The following CACNA2D1 variants were observed in gnomAD, a reference collection of about 807,000 sequenced individuals.
The protein encoded by CACNA2D1 is voltage-dependent calcium channel subunit alpha-2/delta-1.
A neutral mutation model predicts 171.5 loss-of-function variants in CACNA2D1; 53 were observed. The ratio of observed to expected loss-of-function variants is 0.31; its 90% CI spans 0.25 to 0.39. The LOEUF (loss-of-function observed/expected upper bound fraction) is 0.39, where lower values mean the gene tolerates loss of function less well. Ranked by LOEUF, CACNA2D1 falls within the 10% of genes least tolerant of loss-of-function variation. The pLI is 1.00. For missense variants in CACNA2D1, 903 were observed against 1,299.8 expected (o/e 0.69, Z 4.69); for synonymous variants, 442 against 443.1 (o/e 1.00, Z 0.03).
chr7:82,141,197 A>C (rs1792344200), intron 4 of CACNA2D1, among the ~76,000 whole-genome samples: 1 of 152,132 alleles, frequency 6.6e-6, no homozygotes, highest in Non-Finnish European at 1.5e-5. Flanking sequence ...GAGTTATTCA[A>C]ATCACTGAGT....
At chr7:82,405,759 C>G (rs1254086567) in intron 1 of CACNA2D1, among the ~76,000 whole-genome samples, 2 of 152,092 alleles carry the variant, frequency 1.3e-5, no homozygotes, top group African/African-American at 4.8e-5. Context: ...GTGTCACATC[C>G]TCACTCTTTC....
intron 9 of CACNA2D1, among the ~76,000 whole-genome samples, chr7:82,063,304 T>C (rs1167893603): frequency 6.6e-6 from 1 of 152,160 alleles, no homozygotes. Flanking sequence ...GATTAGCATA[T>C]AAGATCCATA....
chr7:82,237,903 T>A (rs1484363376), intron 3 of CACNA2D1, among the ~76,000 whole-genome samples: 1 of 151,892 alleles, frequency 6.6e-6, no homozygotes, highest in Non-Finnish European at 1.5e-5. Context: ...AAAAACTAAA[T>A]ATAAAGAATA....
intron 3 of CACNA2D1, among the ~76,000 whole-genome samples, chr7:82,240,461 A>C (rs528589003): frequency 6.6e-6 from 1 of 152,334 alleles, no homozygotes; most frequent in Non-Finnish European, 1.5e-5. Flanking sequence ...AAAAACTATT[A>C]GCCTCCTTTC....
At chr7:82,249,692 C>T in intron 3 of CACNA2D1, among the ~76,000 whole-genome samples, 1 of 152,198 alleles carries the variant, frequency 6.6e-6, no homozygotes, top group Non-Finnish European at 1.5e-5. Flanking sequence ...ACTGAACCCA[C>T]CTATTAAAAT....
At chr7:81,972,374 C>A (rs1399738509) in intron 25 of CACNA2D1, among the ~76,000 whole-genome samples, 1 of 151,734 alleles carries the variant, frequency 6.6e-6, no homozygotes, top group Non-Finnish European at 1.5e-5. Context: ...TATTTTCATT[C>A]TTTTCTATCA....
rs145109446 is a variant in CACNA2D1 at position 81,964,085 on chromosome 7, T to A, written c.2751A>T (p.Gln917His). Reference protein sequence around the residue: ...AYVPSVADILQIGWWATAAAW... With the variant: ...AYVPSVADILHIGWWATAAAW... ...CAGCAGCAGTGGCCCACCAGCCAATTTGTAATATGTCTGCTACTGATGGCT... is the reference window on the plus strand; with the variant it reads ...CAGCAGCAGTGGCCCACCAGCCAATATGTAATATGTCTGCTACTGATGGCT... The change falls in exon 34 of 39, where the codon CAA becomes CAT. Residue 917 changes from glutamine to histidine, a missense_variant. Gln to His is a conservative substitution (Grantham distance 24). Transcript: ENST00000356860. The A allele has an allele frequency of 2.0e-4, 321 of 1,612,256 alleles. 1 individual carries two copies. The highest frequency in any genetic ancestry group is 2.7e-4 in the Non-Finnish European group (314 of 1,178,922).
intron 18 of CACNA2D1, chr7:82,001,601 C>G (rs567021886): frequency 1.8e-6 from 1 of 561,056 alleles, no homozygotes; most frequent in East Asian, 6.8e-5. Context: ...AAGCTTAATC[C>G]CAACTTGGAT....
At chr7:82,213,651 T>C (rs79309822) in intron 3 of CACNA2D1, among the ~76,000 whole-genome samples, 12,916 of 152,250 alleles carry the variant, frequency 0.085, 733 homozygotes, top group Non-Finnish European at 0.11. Flanking sequence ...ACTTTCTCTA[T>C]GTTGAATGTA....
chr7:82,104,800 ATGT>A (rs1813122911), intron 6 of CACNA2D1, among the ~76,000 whole-genome samples: 2 of 152,114 alleles, frequency 1.3e-5, no homozygotes, highest in Admixed American at 6.5e-5. Context: ...TTAAGAATAC[ATGT>A]TGTAATTGAA....
chr7:82,100,921 TAGTA>T (rs1392344702), intron 6 of CACNA2D1, among the ~76,000 whole-genome samples: 1 of 152,048 alleles, frequency 6.6e-6, no homozygotes, highest in African/African-American at 2.4e-5. Context: ...GTACAAATCA[TAGTA>T]AGACCATAAT....
At chr7:82,302,968 A>C (rs1813216987) in intron 3 of CACNA2D1, among the ~76,000 whole-genome samples, 1 of 152,116 alleles carries the variant, frequency 6.6e-6, no homozygotes, top group Non-Finnish European at 1.5e-5. Flanking sequence ...GAAATGACAC[A>C]ACATTTGGTT....
intron 19 of CACNA2D1, among the ~76,000 whole-genome samples, chr7:81,995,525 G>A (rs1258625297): frequency 1.3e-5 from 2 of 152,264 alleles, no homozygotes; most frequent in Admixed American, 6.5e-5. Flanking sequence ...TCGGCCAGGT[G>A]CAGTGGCTCA....
At chr7:82,228,603 GTATT>G (rs1322144985) in intron 3 of CACNA2D1, among the ~76,000 whole-genome samples, 4 of 152,148 alleles carry the variant, frequency 2.6e-5, no homozygotes, top group African/African-American at 9.7e-5. Context: ...ACTTCATGAA[GTATT>G]TAATTGCTAT....
chr7:82,289,978 A>G (rs1811319122), intron 3 of CACNA2D1, among the ~76,000 whole-genome samples: 1 of 152,252 alleles, frequency 6.6e-6, no homozygotes, highest in Non-Finnish European at 1.5e-5. Flanking sequence ...TAGAACCTAC[A>G]TTACTGTTGT....
chr7:82,106,955 T>A (rs1232107359), intron 6 of CACNA2D1, among the ~76,000 whole-genome samples: 1 of 152,190 alleles, frequency 6.6e-6, no homozygotes, highest in Non-Finnish European at 1.5e-5. Context: ...AAACTTGAAG[T>A]ACTCTTAACT....
intron 3 of CACNA2D1, among the ~76,000 whole-genome samples, chr7:82,283,292 A>G (rs1363218116): frequency 6.6e-6 from 1 of 152,180 alleles, no homozygotes; most frequent in African/African-American, 2.4e-5. Context: ...GTCTTCCACA[A>G]AGTTTCCTTC....
At chr7:82,144,948 A>T (rs949047755) in intron 4 of CACNA2D1, among the ~76,000 whole-genome samples, 1 of 151,906 alleles carries the variant, frequency 6.6e-6, no homozygotes, top group South Asian at 2.1e-4. Flanking sequence ...TTGAATTCTC[A>T]GCATTCTTTC....
At chr7:82,393,675 T>C (rs1825447842) in intron 1 of CACNA2D1, among the ~76,000 whole-genome samples, 1 of 152,200 alleles carries the variant, frequency 6.6e-6, no homozygotes, top group Admixed American at 6.5e-5. Context: ...GTGTGGCTAC[T>C]AAATGCTGCA....
Sources: allele counts gnomAD v4.1 joint callset (sites outside exome capture counted in the v4.1 genomes callset), GRCh38; gene constraint gnomAD v4.1.1; transcripts MANE v1.5; gene names NCBI Gene and HGNC (gene_info 2026-07-23, HGNC 2026-07-21).